The following SHQ1 variants were observed in gnomAD, a reference collection of about 807,000 sequenced individuals.
SHQ1 encodes the protein protein SHQ1 homolog.
Under a neutral mutation model 53.8 loss-of-function variants are expected in SHQ1, and 49 were observed. The observed-to-expected ratio is 0.91, with a 90% confidence interval of 0.72 to 1.16. SHQ1 has a LOEUF of 1.16. Among genes scored for constraint, SHQ1 ranks in the 50% most tolerant of loss-of-function variants. The pLI, the probability that SHQ1 is intolerant of heterozygous loss-of-function variation, is 0.00. For synonymous variants in SHQ1, 243 were observed against 251.0 expected, an observed-to-expected ratio of 0.97 and a Z score of 0.30; for missense variants, 738 against 683.1, an observed-to-expected ratio of 1.08 and a Z score of -0.90.
intron 10 of SHQ1, among the ~76,000 whole-genome samples, chr3:72,785,112 T>A (rs993904915): frequency 6.6e-6 from 1 of 152,212 alleles, no homozygotes; most frequent in Non-Finnish European, 1.5e-5. Flanking sequence ...CTCAGATCTG[T>A]GGAGTGGCCA....
chr3:72,836,346 G>A (rs905784008), intron 4 of SHQ1, among the ~76,000 whole-genome samples: 9 of 152,122 alleles, frequency 5.9e-5, no homozygotes, highest in South Asian at 2.1e-4. Context: ...AAAATTAGCC[G>A]GGTGTGGTGG....
chr3:72,787,338 G>A (rs1174190562), intron 10 of SHQ1, among the ~76,000 whole-genome samples: 1 of 152,128 alleles, frequency 6.6e-6, no homozygotes, highest in Non-Finnish European at 1.5e-5. Flanking sequence ...GGAAAAGTGT[G>A]ATTTAACATC....
At chr3:72,801,245 T>A (rs1706776681) in intron 9 of SHQ1, among the ~76,000 whole-genome samples, 1 of 152,156 alleles carries the variant, frequency 6.6e-6, no homozygotes. Flanking sequence ...AAACCTGAAC[T>A]TTTAAAAAAC....
intron 10 of SHQ1, chr3:72,772,521 A>G (rs1705876978): frequency 1.6e-6 from 1 of 622,782 alleles, no homozygotes. Context: ...TGATATGACA[A>G]GTCGTACACA....
At chr3:72,762,643 A>G (rs1244496520) in intron 10 of SHQ1, among the ~76,000 whole-genome samples, 2 of 152,118 alleles carry the variant, frequency 1.3e-5, no homozygotes, top group African/African-American at 2.4e-5. Flanking sequence ...GACTCACTCA[A>G]CATGACAGAA....
chr3:72,750,910 C>A lies in SHQ1; in HGVS notation c.1182-74G>T, dbSNP rs539954222. ...TGGGGATAACAGGTTATACAGCTTC[C>A]AAAAAAATAAAGTTGAATCCATATT... On this transcript the variant is annotated intron_variant, in intron 10 of 10. Coordinates refer to ENST00000325599, the MANE Select transcript of SHQ1 (RefSeq NM_018130.3). 3.4e-5 allele frequency: 44 copies of A among 1,276,696 alleles called. 3 individuals are homozygous for A. The Admixed American group carries it at 1.2e-3, about 36-fold the overall frequency. 79.1% of individuals were successfully genotyped at this position (1,276,696 alleles called of 1,614,324 possible). A position where few individuals can be genotyped will look rare whatever the true frequency, so the allele number is the denominator to read the frequency against.
At chr3:72,738,454 A>G in the SHQ1 span, among the ~76,000 whole-genome samples, 1 of 152,144 alleles carries the variant, frequency 6.6e-6, no homozygotes, top group East Asian at 1.9e-4. Flanking sequence ...GTATCCGCAG[A>G]AACAGAAATA....
the SHQ1 span, among the ~76,000 whole-genome samples, chr3:72,727,980 T>C: frequency 6.6e-6 from 1 of 152,210 alleles, no homozygotes; most frequent in Admixed American, 6.5e-5. Context: ...GTGGAGTCCC[T>C]GGAAGCAGCC....
intron 1 of SHQ1, 31 bp downstream of exon 1, chr3:72,848,167 C>A: frequency 6.2e-7 from 1 of 1,613,844 alleles, no homozygotes; most frequent in Non-Finnish European, 8.5e-7. Context: ...AACGAATGCG[C>A]CTTTCCTGCG....
At chr3:72,769,832 A>G (rs141121957) in intron 10 of SHQ1, among the ~76,000 whole-genome samples, 2 of 152,334 alleles carry the variant, frequency 1.3e-5, no homozygotes, top group African/African-American at 4.8e-5. Flanking sequence ...TGTGTTCTGA[A>G]GTCGGCAAAC....
intron 5 of SHQ1, among the ~76,000 whole-genome samples, chr3:72,827,693 AATAAATT>A (rs1707700928): frequency 6.6e-6 from 1 of 151,990 alleles, no homozygotes; most frequent in African/African-American, 2.4e-5. Flanking sequence ...TACTTTTCAT[AATAAATT>A]ACTTTCAAGT....
intron 10 of SHQ1, among the ~76,000 whole-genome samples, chr3:72,768,129 A>G (rs77169602): frequency 0.011 from 1,705 of 152,324 alleles, 28 homozygotes; most frequent in African/African-American, 0.039. Flanking sequence ...CTGCTTAAAA[A>G]GGCAGCAGCA....
chr3:72,786,775 C>G (rs751540087), intron 10 of SHQ1, among the ~76,000 whole-genome samples: 1 of 152,186 alleles, frequency 6.6e-6, no homozygotes, highest in East Asian at 1.9e-4. Flanking sequence ...TATCTCACCA[C>G]CTGGCACATA....
intron 10 of SHQ1, among the ~76,000 whole-genome samples, chr3:72,765,693 A>C (rs2106728272): frequency 6.6e-6 from 1 of 151,398 alleles, no homozygotes; most frequent in East Asian, 1.9e-4. Flanking sequence ...GGCTGGGATT[A>C]CAGGCACGTG....
rs796421324 is a variant in SHQ1 at position 72,784,207 on chromosome 3, C to A, written c.1181+8709G>T. ...ACAAAAATATCCCATAAACCTTTAA[C>A]ATTCAAATATATAATTCTTTTGTTA... On this transcript the variant is annotated intron_variant, in intron 10 of 10. Coordinates refer to ENST00000325599, the MANE Select transcript of SHQ1 (RefSeq NM_018130.3). Among the ~76,000 whole-genome samples the A allele has an allele frequency of 6.8e-5, 10 of 147,666 alleles. No individual in the cohort carries two copies. The South Asian group carries it at 2.0e-3, about 29-fold the overall frequency.
intron 10 of SHQ1, among the ~76,000 whole-genome samples, chr3:72,759,993 C>T (rs1705574963): frequency 6.6e-6 from 1 of 152,200 alleles, no homozygotes; most frequent in African/African-American, 2.4e-5. Flanking sequence ...TCAAGGGCCT[C>T]TCAATCATGT....
intron 10 of SHQ1, among the ~76,000 whole-genome samples, chr3:72,757,738 C>T (rs1705527729): frequency 6.6e-6 from 1 of 152,208 alleles, no homozygotes; most frequent in South Asian, 2.1e-4. Flanking sequence ...AAACCAATTA[C>T]CGCATGTTGT....
intron 4 of SHQ1, among the ~76,000 whole-genome samples, chr3:72,839,519 T>C (rs1287887833): frequency 6.6e-6 from 1 of 152,206 alleles, no homozygotes; most frequent in Non-Finnish European, 1.5e-5. Flanking sequence ...ATTCTACACT[T>C]TCCAAAGAGT....
chr3:72,844,500 T>C (rs1288126843), intron 1 of SHQ1, 77 bp from the exon 2 acceptor site: 1 of 1,063,084 alleles, frequency 9.4e-7, no homozygotes, highest in Admixed American at 1.7e-5. Context: ...TTGCAAACAT[T>C]TAACCATCAA....
Sources: allele counts gnomAD v4.1 joint callset (sites outside exome capture counted in the v4.1 genomes callset), GRCh38; gene constraint gnomAD v4.1.1; transcripts MANE v1.5; gene names NCBI Gene and HGNC (gene_info 2026-07-23, HGNC 2026-07-21).